CNTNAP2: variants seen among roughly 807,000 people sequenced by gnomAD.
CNTNAP2 encodes the protein contactin-associated protein-like 2.
Under a neutral mutation model 155.2 loss-of-function variants are expected in CNTNAP2, and 98 were observed. The observed-to-expected ratio is 0.63, with a 90% confidence interval of 0.54 to 0.75. CNTNAP2 has a LOEUF of 0.75. Among genes scored for constraint, CNTNAP2 ranks in the 30% least tolerant of loss-of-function variants. The pLI, the probability that CNTNAP2 is intolerant of heterozygous loss-of-function variation, is 0.00. For synonymous variants in CNTNAP2, 651 were observed against 631.2 expected (o/e 1.03, Z -0.47); for missense variants, 1,727 against 1,688.1 (o/e 1.02, Z -0.40).
intron 14 of CNTNAP2, among the ~76,000 whole-genome samples, chr7:147,908,361 C>T (rs544094515): frequency 2.0e-5 from 3 of 152,178 alleles, no homozygotes; most frequent in African/African-American, 4.8e-5. Flanking sequence ...CCAGGAAGCC[C>T]CTGCTTCTCT....
intron 8 of CNTNAP2, among the ~76,000 whole-genome samples, chr7:147,212,536 G>C (rs2116574737): frequency 6.6e-6 from 1 of 152,152 alleles, no homozygotes; most frequent in Non-Finnish European, 1.5e-5. Flanking sequence ...GCTAAACATT[G>C]GTACTCATTG....
At chr7:147,624,835 G>A (rs1219609621) in intron 12 of CNTNAP2, among the ~76,000 whole-genome samples, 1 of 152,096 alleles carries the variant, frequency 6.6e-6, no homozygotes, top group Non-Finnish European at 1.5e-5. Flanking sequence ...GTTCACAATA[G>A]CCAAGATTTG....
intron 14 of CNTNAP2, among the ~76,000 whole-genome samples, chr7:147,922,495 C>T (rs972258245): frequency 7.2e-5 from 11 of 152,336 alleles, no homozygotes; most frequent in Admixed American, 4.6e-4. Context: ...CAGGACTGCT[C>T]ACTGTGTGAT....
chr7:146,711,742 GTATACACATCT>G (rs1801078471), intron 1 of CNTNAP2, among the ~76,000 whole-genome samples: 1 of 141,718 alleles, frequency 7.1e-6, no homozygotes, highest in Non-Finnish European at 1.5e-5. Flanking sequence ...TACATATATA[GTATACACATCT>G]TATGTATACA....
rs1420150640 is a variant in CNTNAP2 at position 147,792,144 on chromosome 7, T to C, written c.2099-111421T>C. On this transcript the variant is annotated intron_variant, in intron 13 of 23. Transcript: ENST00000361727. ...GAATCTTTCTCCACGTATTATAGTA[T>C]ATTATTCAGGCATTTCCAAATAAAG... Among the ~76,000 whole-genome samples, 4 of 152,222 alleles carry C rather than the reference T, an allele frequency of 2.6e-5. 1 individual carries two copies. Among genetic ancestry groups the C allele is most frequent in the African/African-American group, 7.2e-5 (3 of 41,454 alleles).
At chr7:147,835,347 T>A (rs1029711301) in intron 13 of CNTNAP2, among the ~76,000 whole-genome samples, 1 of 152,084 alleles carries the variant, frequency 6.6e-6, no homozygotes, top group African/African-American at 2.4e-5. Flanking sequence ...TATGTAGAGG[T>A]AAAGTGTCAC....
intron 10 of CNTNAP2, among the ~76,000 whole-genome samples, chr7:147,481,154 T>A (rs1798416211): frequency 1.3e-5 from 2 of 152,222 alleles, no homozygotes; most frequent in African/African-American, 4.8e-5. Context: ...ACATTTTATT[T>A]TAAAATGTCT....
intron 13 of CNTNAP2, among the ~76,000 whole-genome samples, chr7:147,717,118 A>G (rs1218428275): frequency 1.3e-5 from 2 of 151,968 alleles, no homozygotes; most frequent in African/African-American, 4.8e-5. Context: ...TTTCTAAAGA[A>G]AAAAAAAGGA....
chr7:146,366,016 A>G (rs1795150163), intron 1 of CNTNAP2, among the ~76,000 whole-genome samples: 1 of 152,074 alleles, frequency 6.6e-6, no homozygotes, highest in African/African-American at 2.4e-5. Context: ...GAGTATCCTT[A>G]TTTTTACTTC....
At chr7:147,560,651 G>T (rs1800045154) in intron 11 of CNTNAP2, among the ~76,000 whole-genome samples, 1 of 151,886 alleles carries the variant, frequency 6.6e-6, no homozygotes, top group African/African-American at 2.4e-5. Flanking sequence ...GGTTTCGAAG[G>T]TCTTCTATCC....
intron 9 of CNTNAP2, among the ~76,000 whole-genome samples, chr7:147,324,828 G>A (rs1397597211): frequency 6.6e-6 from 1 of 151,756 alleles, no homozygotes; most frequent in Non-Finnish European, 1.5e-5. Flanking sequence ...TTCATTGCCA[G>A]TGAAGACCTA....
intron 1 of CNTNAP2, among the ~76,000 whole-genome samples, chr7:146,347,020 A>G (rs1368424224): frequency 6.6e-6 from 1 of 151,802 alleles, no homozygotes; most frequent in African/African-American, 2.4e-5. Flanking sequence ...CAGAACCAAG[A>G]CTAAAAGGGT....
chr7:148,156,764 C>T (rs1045339952), intron 17 of CNTNAP2, among the ~76,000 whole-genome samples: 8 of 152,086 alleles, frequency 5.3e-5, no homozygotes, highest in Admixed American at 6.5e-5. Flanking sequence ...CTCCAAAAGC[C>T]CTCCCCATCT....
At chr7:147,584,363 A>G (rs936589181) in intron 12 of CNTNAP2, among the ~76,000 whole-genome samples, 6 of 152,338 alleles carry the variant, frequency 3.9e-5, no homozygotes, top group African/African-American at 1.2e-4. Context: ...TAGAAATACT[A>G]GGAGCAGAAA....
chr7:146,671,554 A>G (rs1159826215), intron 1 of CNTNAP2, among the ~76,000 whole-genome samples: 1 of 152,110 alleles, frequency 6.6e-6, no homozygotes, highest in African/African-American at 2.4e-5. Flanking sequence ...TACGCAGAGA[A>G]TGATTTCTGT....
chr7:147,368,107 C>CACACAT (rs1295097616), intron 9 of CNTNAP2, among the ~76,000 whole-genome samples: 189 of 130,926 alleles, frequency 1.4e-3, no homozygotes, highest in African/African-American at 5.2e-3. Flanking sequence ...CACACACACA[C>CACACAT]ACACACACAC....
At chr7:147,585,022 C>T (rs1800590484) in intron 12 of CNTNAP2, among the ~76,000 whole-genome samples, 1 of 152,146 alleles carries the variant, frequency 6.6e-6, no homozygotes, top group Non-Finnish European at 1.5e-5. Flanking sequence ...TCTGCTAGGG[C>T]ACATCAGTCT....
chr7:146,603,352 C>G (rs898980666), intron 1 of CNTNAP2, among the ~76,000 whole-genome samples: 1 of 150,342 alleles, frequency 6.7e-6, no homozygotes, highest in African/African-American at 2.4e-5. Context: ...GCGGAACTTG[C>G]AGTGAGCCGA....
At chr7:147,842,744 C>T (rs1355749892) in intron 13 of CNTNAP2, among the ~76,000 whole-genome samples, 5 of 84,714 alleles carry the variant, frequency 5.9e-5, no homozygotes, top group Non-Finnish European at 9.4e-5. Flanking sequence ...CCTCCCCCCT[C>T]CCCCGACCCC....
Sources: gnomAD v4.1 joint callset for allele counts (sites outside exome capture counted in the v4.1 genomes callset) on GRCh38, gnomAD v4.1.1 for gene constraint, MANE v1.5 for transcripts, NCBI Gene and HGNC (gene_info 2026-07-23, HGNC 2026-07-21) for gene names.